The following DLG2 variants were observed in gnomAD, a reference collection of about 807,000 sequenced individuals.
DLG2 encodes the protein disks large homolog 2.
A neutral mutation model predicts 132.5 loss-of-function variants in DLG2; 45 were observed. The ratio of observed to expected loss-of-function variants is 0.34; its 90% confidence interval spans 0.27 to 0.44. DLG2 has a LOEUF of 0.44. Ranked by LOEUF, DLG2 falls within the 20% of genes least tolerant of loss-of-function variation. DLG2 has a pLI of 1.00. For missense variants in DLG2, 1,045 were observed against 1,196.9 expected (o/e 0.87, Z 1.87); for synonymous variants, 424 against 419.6 (o/e 1.01, Z -0.13).
intron 3 of DLG2, among the ~76,000 whole-genome samples, chr11:85,523,027 C>T (rs1471082117): frequency 6.6e-6 from 1 of 152,100 alleles, no homozygotes; most frequent in African/African-American, 2.4e-5. Context: ...TATGGTCTGG[C>T]TTTGTGTCCC....
chr11:84,227,041 G>A (rs181548590), intron 8 of DLG2, among the ~76,000 whole-genome samples: 9 of 152,062 alleles, frequency 5.9e-5, no homozygotes, highest in Non-Finnish European at 2.9e-5. Context: ...AGCCGAGATC[G>A]TGCCACTACA....
intron 6 of DLG2, among the ~76,000 whole-genome samples, chr11:84,592,901 T>C (rs1199292462): frequency 1.7e-5 from 2 of 117,604 alleles, no homozygotes; most frequent in Non-Finnish European, 3.2e-5. Flanking sequence ...AGCAAGACCA[T>C]TCTGGCTAAC....
intron 17 of DLG2, among the ~76,000 whole-genome samples, chr11:83,824,741 C>T (rs1180649184): frequency 6.6e-6 from 1 of 152,020 alleles, no homozygotes; most frequent in Non-Finnish European, 1.5e-5. Context: ...TTTGGAAGTA[C>T]CACTGCGAGA....
chr11:85,337,702 C>T (rs1355968472), intron 3 of DLG2, among the ~76,000 whole-genome samples: 1 of 152,144 alleles, frequency 6.6e-6, no homozygotes, highest in African/African-American at 2.4e-5. Context: ...CTAGATAAGT[C>T]CTTCCTGGTG....
rs149890184 is a variant in DLG2 at position 84,045,212 on chromosome 11, C to G, written c.919+14103G>C. On this transcript the variant is annotated intron_variant, in intron 11 of 27. Transcript: ENST00000376104. ...CCCTTCCTTATACCTGTGGTATTCACTTTTATATCTATATGTGCTGGGTAA... is the reference window on the plus strand; with the variant it reads ...CCCTTCCTTATACCTGTGGTATTCAGTTTTATATCTATATGTGCTGGGTAA... 4.9e-3 allele frequency among the ~76,000 whole-genome samples: 747 copies of G among 151,810 alleles called. 5 individuals carry two copies. Among genetic ancestry groups the G allele is most frequent in the Middle Eastern group, 0.014 (4 of 294 alleles).
intron 7 of DLG2, among the ~76,000 whole-genome samples, chr11:84,303,906 A>G (rs1005254613): frequency 6.6e-6 from 1 of 152,202 alleles, no homozygotes; most frequent in Non-Finnish European, 1.5e-5. Flanking sequence ...GAGTGCCTTT[A>G]TATACAAGGC....
At chr11:84,113,232 A>G (rs1389457520) in intron 9 of DLG2, among the ~76,000 whole-genome samples, 2 of 152,214 alleles carry the variant, frequency 1.3e-5, no homozygotes, top group Admixed American at 1.3e-4. Context: ...CTTTGAGTCC[A>G]TAACTTTATA....
At chr11:85,507,348 C>A (rs956610579) in intron 3 of DLG2, among the ~76,000 whole-genome samples, 1 of 152,130 alleles carries the variant, frequency 6.6e-6, no homozygotes, top group African/African-American at 2.4e-5. Context: ...GTGGCTGGTA[C>A]CAGTTGTTGC....
At chr11:85,136,448 T>G (rs2076150923) in intron 5 of DLG2, among the ~76,000 whole-genome samples, 4 of 152,180 alleles carry the variant, frequency 2.6e-5, no homozygotes, top group Admixed American at 2.6e-4. Flanking sequence ...ATTATGTTGT[T>G]TTTATAATTA....
At chr11:83,517,068 C>G (rs1171225569) in intron 21 of DLG2, among the ~76,000 whole-genome samples, 1 of 152,116 alleles carries the variant, frequency 6.6e-6, no homozygotes, top group Admixed American at 6.5e-5. Context: ...TGAATGTTGG[C>G]CTGCCTTGCT....
At chr11:84,663,249 A>T (rs7927174) in intron 6 of DLG2, among the ~76,000 whole-genome samples, 52,860 of 102,022 alleles carry the variant, frequency 0.52, 10,170 homozygotes, top group South Asian at 0.64. Flanking sequence ...ATATATATAT[A>T]TTTTTTTTTC....
At chr11:84,466,463 A>T (rs1043935555) in intron 7 of DLG2, among the ~76,000 whole-genome samples, 2 of 151,360 alleles carry the variant, frequency 1.3e-5, no homozygotes, top group Non-Finnish European at 3.0e-5. Context: ...TAAAAGCCCA[A>T]GAGAACAATG....
intron 6 of DLG2, among the ~76,000 whole-genome samples, chr11:84,698,334 A>T (rs1232972381): frequency 1.3e-5 from 2 of 151,566 alleles, no homozygotes. Flanking sequence ...TAGGTACTTT[A>T]CAAGTATTAG....
chr11:85,265,831 A>C (rs1204556699), intron 4 of DLG2, among the ~76,000 whole-genome samples: 1 of 152,166 alleles, frequency 6.6e-6, no homozygotes. Flanking sequence ...AGATAACTTG[A>C]CTTCAGGGAA....
chr11:85,538,814 G>A lies in DLG2; in HGVS notation c.40+59843C>T, dbSNP rs115722176. ...GTGAGAACACATGGACACAGGGAGG[G>A]AAACAATGCACACTGGGGCCTGTTG... On this transcript the variant is annotated intron_variant, in intron 3 of 27. Transcript: ENST00000376104. Among the ~76,000 whole-genome samples, 908 of 151,802 alleles carry A rather than the reference G, an allele frequency of 6.0e-3. 27 individuals carry two copies. The highest frequency in any genetic ancestry group is 0.02 in the African/African-American group (834 of 41,152).
At chr11:84,668,920 C>T (rs1411119356) in intron 6 of DLG2, among the ~76,000 whole-genome samples, 1 of 152,116 alleles carries the variant, frequency 6.6e-6, no homozygotes. Flanking sequence ...ATGTGCCAGG[C>T]ACTGTTCTAG....
At chr11:83,814,306 C>T (rs574732559) in intron 17 of DLG2, among the ~76,000 whole-genome samples, 20 of 152,152 alleles carry the variant, frequency 1.3e-4, no homozygotes, top group African/African-American at 4.1e-4. Flanking sequence ...ATAATAAAAG[C>T]GATAGAGGCT....
At chr11:84,034,302 G>GT (rs575075589) in intron 11 of DLG2, among the ~76,000 whole-genome samples, 1 of 151,842 alleles carries the variant, frequency 6.6e-6, no homozygotes, top group South Asian at 2.1e-4. Flanking sequence ...TTTAATTAAG[G>GT]TTTTTTTGGA....
intron 15 of DLG2, among the ~76,000 whole-genome samples, chr11:83,894,063 C>T (rs2070800720): frequency 6.6e-6 from 1 of 152,190 alleles, no homozygotes; most frequent in Non-Finnish European, 1.5e-5. Context: ...CTGAGCACCA[C>T]ATATGTGCCA....
Sources: allele counts gnomAD v4.1 joint callset (sites outside exome capture counted in the v4.1 genomes callset), GRCh38; gene constraint gnomAD v4.1.1; transcripts MANE v1.5; gene names NCBI Gene and HGNC (gene_info 2026-07-23, HGNC 2026-07-21).